The following THEMIS variants were observed in gnomAD, a reference collection of about 807,000 sequenced individuals.
THEMIS encodes thymocyte selection associated.
In THEMIS, 37 loss-of-function variants were observed where a neutral mutation model predicts 52.6. The ratio of observed to expected loss-of-function variants is 0.70; its 90% confidence interval spans 0.54 to 0.93. THEMIS has a LOEUF of 0.93. Ranked by LOEUF, THEMIS falls within the 40% of genes least tolerant of loss-of-function variation. The pLI, the probability that THEMIS is intolerant of heterozygous loss-of-function variation, is 0.00. For synonymous variants in THEMIS, 292 were observed against 272.7 expected, an observed-to-expected ratio of 1.07 and a Z score of -0.70; for missense variants, 808 against 763.1, an observed-to-expected ratio of 1.06 and a Z score of -0.69.
chr6:127,770,563 A>T (rs911476176), intron 4 of THEMIS, among the ~76,000 whole-genome samples: 1 of 152,070 alleles, frequency 6.6e-6, no homozygotes, highest in Non-Finnish European at 1.5e-5. Flanking sequence ...ATTTTCTCCC[A>T]TTCTGTAGGT....
At chr6:127,802,121 A>C (rs1318068555) in intron 4 of THEMIS, among the ~76,000 whole-genome samples, 6 of 152,180 alleles carry the variant, frequency 3.9e-5, no homozygotes, top group Non-Finnish European at 8.8e-5. Flanking sequence ...CACTGTGAGC[A>C]AGTTGGAAAT....
the THEMIS span, among the ~76,000 whole-genome samples, chr6:127,701,311 T>C: frequency 2.0e-5 from 3 of 152,134 alleles, no homozygotes; most frequent in Admixed American, 1.3e-4. Flanking sequence ...CTATTCTGTA[T>C]CTAATTTTTA....
chr6:127,892,808 T>G (rs1387783882), intron 1 of THEMIS, among the ~76,000 whole-genome samples: 1 of 152,168 alleles, frequency 6.6e-6, no homozygotes, highest in Non-Finnish European at 1.5e-5. Context: ...CACACATTCA[T>G]GCCTACAATA....
chr6:127,856,140 A>G (rs1239716716), intron 1 of THEMIS, among the ~76,000 whole-genome samples: 1 of 152,024 alleles, frequency 6.6e-6, no homozygotes, highest in Non-Finnish European at 1.5e-5. Flanking sequence ...CTACATGTGA[A>G]GTATATGAGC....
chr6:127,743,296 C>T (rs1259616023), intron 4 of THEMIS, among the ~76,000 whole-genome samples: 4 of 152,120 alleles, frequency 2.6e-5, no homozygotes, highest in Non-Finnish European at 4.4e-5. Flanking sequence ...ATGCCAGATA[C>T]GAAGCCTAAG....
chr6:127,879,899 C>T (rs2114422262), intron 1 of THEMIS, among the ~76,000 whole-genome samples: 1 of 152,154 alleles, frequency 6.6e-6, no homozygotes, highest in Non-Finnish European at 1.5e-5. Context: ...AAATGCGCCC[C>T]CACCTCGGGC....
chr6:127,707,707 A>G (rs1454861288), downstream of THEMIS, among the ~76,000 whole-genome samples: 3 of 152,126 alleles, frequency 2.0e-5, no homozygotes, highest in Non-Finnish European at 4.4e-5. Flanking sequence ...AGCGTTTTAC[A>G]TGTTATCATC....
chr6:127,701,563 A>G, the THEMIS span, among the ~76,000 whole-genome samples: 1 of 152,142 alleles, frequency 6.6e-6, no homozygotes, highest in Non-Finnish European at 1.5e-5. Context: ...TTACACAAAT[A>G]GACATTCTGG....
chr6:127,714,083 G>A (rs1477394845), intron 5 of THEMIS, among the ~76,000 whole-genome samples: 1 of 151,884 alleles, frequency 6.6e-6, no homozygotes, highest in Non-Finnish European at 1.5e-5. Context: ...AGACTTTCTG[G>A]TAGAGTGGTG....
At chr6:127,700,703 T>C in the THEMIS span, among the ~76,000 whole-genome samples, 1 of 152,034 alleles carries the variant, frequency 6.6e-6, no homozygotes, top group African/African-American at 2.4e-5. Context: ...AACAACATTA[T>C]ATCTGATGAA....
At chr6:127,706,530 C>G (rs779899975), downstream of THEMIS, among the ~76,000 whole-genome samples, 4 of 152,094 alleles carry the variant, frequency 2.6e-5, no homozygotes. Flanking sequence ...AGACACTATT[C>G]TAAGTGTCTG....
At chr6:127,849,833 G>T (rs1421325137) in intron 2 of THEMIS, among the ~76,000 whole-genome samples, 1 of 151,880 alleles carries the variant, frequency 6.6e-6, no homozygotes, top group African/African-American at 2.4e-5. Flanking sequence ...ATGAGCTTAG[G>T]CAAATAATTC....
chr6:127,877,592 A>C (rs1333816255), intron 1 of THEMIS, among the ~76,000 whole-genome samples: 1 of 152,190 alleles, frequency 6.6e-6, no homozygotes, highest in Non-Finnish European at 1.5e-5. Flanking sequence ...TGGCTGGTCG[A>C]GGGAGCAGTT....
At position 127,812,951 on chromosome 6, in the gene THEMIS, C is replaced by T; in HGVS notation, c.1690G>A (p.Glu564Lys). Reference sequence around the variant, plus strand: ...GTTAGCAGGGTTAACTTTGTTTCCTCTACTGAGGGGTGTTTCGGAGGGCGA... The same window carrying T: ...GTTAGCAGGGTTAACTTTGTTTCCTTTACTGAGGGGTGTTTCGGAGGGCGA... ...PPRPPKHPSV[E>K]ETKLTLLTLA... The change falls in exon 4 of 6, where the codon GAG (glutamate) becomes AAG (lysine). Residue 564 changes from glutamate (E) to lysine (K), a missense_variant. By Grantham distance (56) the Glu-to-Lys change is moderately conservative. Transcript: ENST00000368248. 6.2e-7 allele frequency: 1 copy of T among 1,613,996 alleles called. No individual in the cohort carries two copies. The highest frequency in any genetic ancestry group is 8.5e-7 in the Non-Finnish European group (1 of 1,179,968).
intron 3 of THEMIS, among the ~76,000 whole-genome samples, chr6:127,817,863 G>A (rs1005761861): frequency 5.3e-5 from 8 of 152,300 alleles, no homozygotes; most frequent in Admixed American, 2.6e-4. Flanking sequence ...ACTTTTCTGA[G>A]TCTTACTTTC....
At chr6:127,905,919 C>G (rs1316624689), upstream of THEMIS, among the ~76,000 whole-genome samples, 1 of 150,170 alleles carries the variant, frequency 6.7e-6, no homozygotes, top group Non-Finnish European at 1.5e-5. Context: ...TATACATAAA[C>G]TCAATTATAC....
chr6:127,739,656 GA>G (rs1246342224), intron 4 of THEMIS, among the ~76,000 whole-genome samples: 1 of 152,052 alleles, frequency 6.6e-6, no homozygotes, highest in African/African-American at 2.4e-5. Flanking sequence ...AGAAGAAAAA[GA>G]AAAAGGAAAG....
At chr6:127,862,103 A>G (rs906264891) in intron 1 of THEMIS, among the ~76,000 whole-genome samples, 2 of 152,124 alleles carry the variant, frequency 1.3e-5, no homozygotes, top group Admixed American at 6.6e-5. Flanking sequence ...AGTCTCAAGG[A>G]GTTAGAAAGT....
At chr6:127,751,249 T>C (rs1171525236) in intron 4 of THEMIS, among the ~76,000 whole-genome samples, 1 of 151,512 alleles carries the variant, frequency 6.6e-6, no homozygotes, top group African/African-American at 2.4e-5. Flanking sequence ...AAATGTAGAG[T>C]TTTTCTTTGT....
Sources: allele counts gnomAD v4.1 joint callset (sites outside exome capture counted in the v4.1 genomes callset), GRCh38; gene constraint gnomAD v4.1.1; transcripts MANE v1.5; gene names NCBI Gene and HGNC (gene_info 2026-07-23, HGNC 2026-07-21).